The following AGAP6 variants were observed in gnomAD, a reference collection of about 807,000 sequenced individuals.
AGAP6 encodes arf-GAP with GTPase, ANK repeat and PH domain-containing protein 6.
Under a neutral mutation model 63.9 loss-of-function variants are expected in AGAP6, and 29 were observed. The ratio of observed to expected loss-of-function variants is 0.45; its 90% CI spans 0.34 to 0.62. The LOEUF is 0.62. Among genes scored for constraint, AGAP6 ranks in the 20% least tolerant of loss-of-function variants. AGAP6 has a pLI of 0.01. For missense variants in AGAP6, 493 were observed against 884.9 expected (o/e 0.56, Z 5.62); for synonymous variants, 199 against 332.9 (o/e 0.60, Z 4.38).
Position 49,988,941 on chromosome 10 carries a change from G to A in AGAP6, c.223+3G>A, listed in dbSNP as rs202094388. ...TCGTGACCGGGAGATGCCTGAAGGT[G>A]AGGAGGTGATAGGTGCCATCTACCC... On this transcript the variant is annotated splice_donor_region_variant and intron_variant, in intron 1 of 7. Coordinates refer to ENST00000412531, the MANE Select transcript of AGAP6 (RefSeq NM_001077665.3). 4,014 of 1,588,450 alleles carry A rather than the reference G, an allele frequency of 2.5e-3. 14 individuals are homozygous for A. Among genetic ancestry groups the A allele is most frequent in the Middle Eastern group, 3.2e-3 (18 of 5,576 alleles).
chr10:49,996,960 G>A (rs1436790108), intron 4 of AGAP6, among the ~76,000 whole-genome samples: 3 of 145,418 alleles, frequency 2.1e-5, no homozygotes, highest in Non-Finnish European at 4.5e-5. Context: ...TTCTGTGCTG[G>A]TCATGGGTGT....
chr10:50,004,766 G>T (rs1401753273), intron 6 of AGAP6, 46 bp downstream of exon 6: 6 of 649,082 alleles, frequency 9.2e-6, no homozygotes, highest in African/African-American at 1.9e-5. Flanking sequence ...TAATTACTTT[G>T]CAAGATATCA....
chr10:49,994,211 A>T (rs1268163789), intron 3 of AGAP6, among the ~76,000 whole-genome samples, 184 bp from the exon 4 acceptor site: 1 of 152,170 alleles, frequency 6.6e-6, no homozygotes, highest in Non-Finnish European at 1.5e-5. Flanking sequence ...TGAAAAGCTA[A>T]GTTTTTAGAT....
intron 4 of AGAP6, among the ~76,000 whole-genome samples, chr10:49,999,954 T>C (rs1397408766): frequency 2.1e-5 from 3 of 141,000 alleles, no homozygotes; most frequent in Non-Finnish European, 4.5e-5. Context: ...AAAACAACTT[T>C]AGTATTTTTA....
At chr10:49,992,857 G>C (rs1410810702) in intron 3 of AGAP6, among the ~76,000 whole-genome samples, 1 of 152,140 alleles carries the variant, frequency 6.6e-6, no homozygotes, top group African/African-American at 2.4e-5. Flanking sequence ...CATCTCCCAG[G>C]TTCAAGCAAT....
Position 49,990,392 on chromosome 10 carries a change from C to T in AGAP6, c.292+1016C>T, listed in dbSNP as rs1841222516. ...CCTGGGAGGTGGAGGTTGCAGTGAG[C>T]AGAGATCACGCCAATGCACTCCAGC... On this transcript the variant is annotated intron_variant, in intron 2 of 7. Transcript: ENST00000412531. 3.3e-5 allele frequency among the ~76,000 whole-genome samples: 5 copies of T among 152,284 alleles called. No individual in the cohort carries two copies. The South Asian group carries it at 8.3e-4, about 25-fold the overall frequency.
At chr10:49,997,075 T>G (rs1448259966) in intron 4 of AGAP6, among the ~76,000 whole-genome samples, 1 of 147,472 alleles carries the variant, frequency 6.8e-6, no homozygotes, top group Non-Finnish European at 1.5e-5. Flanking sequence ...TAAATCAAAG[T>G]CTAATTTGAG....
At position 50,002,036 on chromosome 10, in the gene AGAP6, C is replaced by G. The variant is rs543630380; in HGVS notation, c.437C>G (p.Ser146Trp). Reference sequence around the variant, plus strand: ...TTCAGTCAACAATACAGCTTGTGTTCGACAATATTCCTTGATGACAGCACA... The same window carrying G: ...TTCAGTCAACAATACAGCTTGTGTTGGACAATATTCCTTGATGACAGCACA... ...VRFSQQYSLC[S>W]TIFLDDSTAI... The change falls in exon 5 of 8, where the codon TCG becomes TGG. Residue 146 changes from serine (S) to tryptophan (W), a missense_variant. Transcript: ENST00000412531. 6.2e-7 allele frequency: 1 copy of G among 1,612,432 alleles called. No homozygotes were observed.
chr10:49,997,665 A>T (rs535586907), intron 4 of AGAP6, among the ~76,000 whole-genome samples: 59 of 152,170 alleles, frequency 3.9e-4, no homozygotes, highest in African/African-American at 1.1e-3. Flanking sequence ...TTCTGGGGGA[A>T]CAGGTGGCAT....
At chr10:50,000,980 CAA>C (rs1229208917) in intron 4 of AGAP6, among the ~76,000 whole-genome samples, 1 of 147,228 alleles carries the variant, frequency 6.8e-6, no homozygotes, top group Non-Finnish European at 1.5e-5. Context: ...GTATTCACTG[CAA>C]TAAAATGCTC....
chr10:50,003,828 A>G (rs1841801205), intron 5 of AGAP6, among the ~76,000 whole-genome samples: 1 of 152,214 alleles, frequency 6.6e-6, no homozygotes, highest in Non-Finnish European at 1.5e-5. Context: ...TAAATGTCAC[A>G]TAAGGTCATT....
intron 3 of AGAP6, among the ~76,000 whole-genome samples, chr10:49,992,608 G>T (rs1419465013): frequency 6.6e-6 from 1 of 152,138 alleles, no homozygotes; most frequent in Non-Finnish European, 1.5e-5. Context: ...TGTTTAACTG[G>T]CTCAAAGATT....
intron 4 of AGAP6, among the ~76,000 whole-genome samples, chr10:49,999,445 G>T (rs1841612237): frequency 1.4e-5 from 2 of 140,214 alleles, no homozygotes; most frequent in African/African-American, 5.5e-5. Flanking sequence ...AGCAAAATCA[G>T]CATAGAAGGG....
intron 5 of AGAP6, among the ~76,000 whole-genome samples, chr10:50,003,934 GCT>G (rs1445077405): frequency 6.6e-6 from 1 of 152,218 alleles, no homozygotes; most frequent in African/African-American, 2.4e-5. Context: ...CATCTCACAT[GCT>G]AATATTACAG....
chr10:50,007,197 G>C (rs1841940032), intron 6 of AGAP6, among the ~76,000 whole-genome samples: 1 of 151,554 alleles, frequency 6.6e-6, no homozygotes, highest in Non-Finnish European at 1.5e-5. Flanking sequence ...TTCAAGACCA[G>C]CCTGGCCAAC....
chr10:50,005,749 G>A (rs540787837), intron 6 of AGAP6, among the ~76,000 whole-genome samples: 196 of 148,928 alleles, frequency 1.3e-3, no homozygotes, highest in African/African-American at 4.5e-3. Flanking sequence ...GGTAAAACCC[G>A]CCTCTACTGA....
intron 4 of AGAP6, among the ~76,000 whole-genome samples, chr10:49,995,021 C>G (rs1181443417): frequency 7.6e-6 from 1 of 131,362 alleles, no homozygotes; most frequent in Non-Finnish European, 1.7e-5. Context: ...AATGAAAGAA[C>G]AAAAATAGAA....
rs1841249856 is a variant in AGAP6, at chr10:49,990,955, G to C, written c.293-721G>C. Among the ~76,000 whole-genome samples, 4 of 152,136 alleles carry C rather than the reference G, an allele frequency of 2.6e-5. No individual in the cohort carries two copies. The South Asian group carries it at 8.3e-4, about 32-fold the overall frequency. The stretch of plus-strand genomic sequence containing the variant: ...GTAAACTTATACTCTGCTTGGTGAT[G>C]TTCGGAAAGCCTGATGGATGTTACA... On this transcript the variant is annotated intron_variant, in intron 2 of 7. Transcript: ENST00000412531.
chr10:50,010,229 A>C lies in AGAP6; in HGVS notation c.*43A>C. The C allele has an allele frequency of 1.3e-6, 2 of 1,572,282 alleles. No homozygotes were observed. The highest frequency in any genetic ancestry group is 1.7e-6 in the Non-Finnish European group (2 of 1,154,394). On this transcript the variant is annotated 3_prime_UTR_variant, in exon 8 of 8. Coordinates refer to ENST00000412531, the MANE Select transcript of AGAP6 (RefSeq NM_001077665.3). ...TGCAGTCTCCTTGGTGCAAAAACAA[A>C]ATGGGAAAAATAAGGATAACTCAGA...
Sources: allele counts gnomAD v4.1 joint callset (sites outside exome capture counted in the v4.1 genomes callset), GRCh38; gene constraint gnomAD v4.1.1; transcripts MANE v1.5; gene names NCBI Gene and HGNC (gene_info 2026-07-23, HGNC 2026-07-21).